DNAH17: variants seen among roughly 807,000 people sequenced by gnomAD.
The protein encoded by DNAH17 is dynein axonemal heavy chain 17.
A neutral mutation model predicts 485.6 loss-of-function variants in DNAH17; 376 were observed. That is an observed-to-expected ratio of 0.77 (90% CI 0.71 to 0.84). DNAH17 has a LOEUF of 0.84. Among genes scored for constraint, DNAH17 ranks in the 40% least tolerant of loss-of-function variants. DNAH17 has a pLI of 0.00. For synonymous variants in DNAH17, 3,031 were observed against 2,405.9 expected (o/e 1.26, Z -7.60); for missense variants, 6,370 against 5,839.3 (o/e 1.09, Z -2.96).
intron 25 of DNAH17, among the ~76,000 whole-genome samples, chr17:78,516,887 T>C (rs984012781): frequency 2.0e-5 from 3 of 152,224 alleles, no homozygotes; most frequent in Admixed American, 6.5e-5. Context: ...TTTACTATAA[T>C]GTATTTTAAA....
rs570572163 is a variant in DNAH17 at position 78,566,143 on chromosome 17, G to A, written c.1569+471C>T. 4.6e-5 allele frequency among the ~76,000 whole-genome samples: 7 copies of A among 152,268 alleles called. No homozygotes were observed. In the South Asian group the frequency reaches 1.5e-3, roughly 32 times the overall value. ...GCTGGACCTCCCAGCCTCCAGAACT[G>A]AGAGAAGTGAAATGTTTGTTGTTTA... On this transcript the variant is annotated intron_variant, in intron 11 of 80. Coordinates refer to ENST00000389840, the MANE Select transcript of DNAH17 (RefSeq NM_173628.4).
chr17:78,429,100 T>C (rs776686475), intron 76 of DNAH17, 21 bp downstream of exon 76: 1 of 1,607,912 alleles, frequency 6.2e-7, no homozygotes, highest in East Asian at 2.2e-5. Context: ...GTTGAGCTCC[T>C]GTTTAACTTG....
rs1203210348 is a variant in DNAH17, at chr17:78,532,463, G to A, written c.3114+19C>T. 1 of 1,591,268 alleles carries A rather than the reference G, an allele frequency of 6.3e-7. No homozygotes were observed. The highest frequency in any genetic ancestry group is 2.2e-4 in the Middle Eastern group (1 of 4,618). On this transcript the variant is annotated intron_variant, in intron 20 of 80. Coordinates refer to ENST00000389840, the MANE Select transcript of DNAH17 (RefSeq NM_173628.4). ...AGACTCTGGAGACAAGGAGGCTGGT[G>A]GGTGAGGTCTGCACGCACCTGCTCC...
At chr17:78,559,663 T>C (rs955311509) in intron 13 of DNAH17, among the ~76,000 whole-genome samples, 6 of 152,160 alleles carry the variant, frequency 3.9e-5, no homozygotes, top group Non-Finnish European at 5.9e-5. Flanking sequence ...AAGGGTCCTT[T>C]ACAACTAGAA....
At chr17:78,446,188 A>AAAAAAT (rs2087289555) in intron 69 of DNAH17, among the ~76,000 whole-genome samples, 1 of 151,224 alleles carries the variant, frequency 6.6e-6, no homozygotes, top group Admixed American at 6.6e-5. Flanking sequence ...AAAAAAAAAA[A>AAAAAAT]AAAAAAAAAA....
chr17:78,440,244 C>CTTTTTTT (rs71160296), intron 72 of DNAH17, among the ~76,000 whole-genome samples: 1 of 40,340 alleles, frequency 2.5e-5, no homozygotes, highest in Non-Finnish European at 4.1e-5. Flanking sequence ...CGACTTCATG[C>CTTTTTTT]TTTTTTTTTT....
At chr17:78,435,174 G>T (rs867192719) in intron 74 of DNAH17, among the ~76,000 whole-genome samples, 3 of 152,156 alleles carry the variant, frequency 2.0e-5, no homozygotes, top group Middle Eastern at 3.2e-3. Flanking sequence ...GAGGGCGCTG[G>T]CAGTGAACAC....
At position 78,560,763 on chromosome 17, in the gene DNAH17, T is replaced by C. The variant is rs953347891; in HGVS notation, c.2008A>G (p.Ile670Val). The C allele has an allele frequency of 5.2e-6, 8 of 1,551,818 alleles. No individual in the cohort carries two copies. The African/African-American group carries it at 9.6e-5, about 19-fold the overall frequency. Reference protein sequence around the residue: ...LILRDAASNLIHVNFSKALVA... With the variant: ...LILRDAASNLVHVNFSKALVA... ...ACCGCTTTGCTGAAGTTGACGTGGA[T>C]GAGGTTGCTAGCGGCGTCCCGCAGA... The change falls in exon 13 of 81, where the codon ATC becomes GTC. Residue 670 changes from isoleucine (I) to valine (V), a missense_variant. By Grantham distance (29) the Ile-to-Val change is conservative (BLOSUM62 3). Transcript: ENST00000389840.
At chr17:78,527,844 T>A (rs993003552) in intron 22 of DNAH17, among the ~76,000 whole-genome samples, 2 of 152,180 alleles carry the variant, frequency 1.3e-5, no homozygotes, top group Non-Finnish European at 2.9e-5. Context: ...AGTGGTGCGA[T>A]CTTGGCTCAC....
rs75793624 is a variant in DNAH17, at chr17:78,525,267, C to A, written c.3712-106G>T. 246,427 of 1,453,338 alleles carry A rather than the reference C, an allele frequency of 0.17. 23,294 individuals carry two copies. The highest frequency in any genetic ancestry group is 0.46 in the East Asian group (19,371 of 41,934). 90.0% of individuals were successfully genotyped at this position (1,453,338 alleles called of 1,614,324 possible). ...TCTCCAGTGTGCCCTCCCTGATAAA[C>A]CTTCTGGGAGGAGGTGTCCATACAA... is the stretch of plus-strand genomic sequence containing the variant. On this transcript the variant is annotated intron_variant, in intron 24 of 80. Transcript: ENST00000389840.
intron 51 of DNAH17, among the ~76,000 whole-genome samples, chr17:78,477,799 G>C (rs1434028434): frequency 3.3e-5 from 5 of 152,198 alleles, no homozygotes; most frequent in Non-Finnish European, 7.3e-5. Context: ...GAGAAAATGG[G>C]AATGTAAGGG....
chr17:78,553,299 T>G lies in DNAH17; in HGVS notation c.2179-494A>C, dbSNP rs555146815. ...GGTTTTTGTGTTTTTTTTTTTTTTT[T>G]TTTTTTTTTTTTTTTTTTTTAAGAT... On this transcript the variant is annotated intron_variant, in intron 14 of 80. Transcript: ENST00000389840. 4.3e-3 allele frequency among the ~76,000 whole-genome samples: 287 copies of G among 66,918 alleles called. 7 individuals carry two copies. The highest frequency in any genetic ancestry group is 0.016 in the African/African-American group (263 of 16,012). 43.9% of individuals were successfully genotyped at this position (66,918 alleles called of 152,430 possible).
At chr17:78,508,796 T>A (rs2090557310) in intron 27 of DNAH17, among the ~76,000 whole-genome samples, 1 of 152,044 alleles carries the variant, frequency 6.6e-6, no homozygotes, top group South Asian at 2.1e-4. Context: ...TATTTTTTAT[T>A]TTTATTTTTT....
chr17:78,539,674 CTAT>C, intron 18 of DNAH17, 60 bp downstream of exon 18: 1 of 1,349,182 alleles, frequency 7.4e-7, no homozygotes, highest in East Asian at 2.7e-5. Flanking sequence ...AAACTAGAAA[CTAT>C]AGATTCTAAC....
At chr17:78,443,690 T>C (rs1025968579) in intron 71 of DNAH17, among the ~76,000 whole-genome samples, 3 of 152,252 alleles carry the variant, frequency 2.0e-5, no homozygotes, top group African/African-American at 7.2e-5. Flanking sequence ...ACTGGGACTA[T>C]AGGAGCCCGC....
Position 78,485,895 on chromosome 17 carries a change from G to A in DNAH17, c.7275+65C>T. 8.8e-6 allele frequency: 14 copies of A among 1,582,846 alleles called. 1 individual carries two copies. In the Middle Eastern group the frequency reaches 5.1e-4, roughly 58 times the overall value. ...TTTGGACATTCCGTGCAGGCGTGTG[G>A]AGGGTACTGCACCGATTCCTGCCTC... On this transcript the variant is annotated intron_variant, in intron 46 of 80. Coordinates refer to ENST00000389840, the MANE Select transcript of DNAH17 (RefSeq NM_173628.4).
At chr17:78,487,733 C>T (rs562650247) in intron 44 of DNAH17, among the ~76,000 whole-genome samples, 2 of 152,192 alleles carry the variant, frequency 1.3e-5, no homozygotes, top group East Asian at 1.9e-4. Flanking sequence ...CCACGTTGGC[C>T]AGGCTGGTCT....
chr17:78,522,593 G>A, intron 25 of DNAH17: 1 of 279,198 alleles, frequency 3.6e-6, no homozygotes, highest in Non-Finnish European at 7.0e-6. Flanking sequence ...CACTGGGCCT[G>A]GGTCTGCAAC....
At chr17:78,517,832 C>CAA (rs1186658070) in intron 25 of DNAH17, among the ~76,000 whole-genome samples, 1 of 152,132 alleles carries the variant, frequency 6.6e-6, no homozygotes, top group Non-Finnish European at 1.5e-5. Flanking sequence ...CATATCACAA[C>CAA]AAACAAGACC....
Sources: gnomAD v4.1 joint callset for allele counts (sites outside exome capture counted in the v4.1 genomes callset) on GRCh38, gnomAD v4.1.1 for gene constraint, MANE v1.5 for transcripts, NCBI Gene and HGNC (gene_info 2026-07-23, HGNC 2026-07-21) for gene names.